NMT2: variants seen among roughly 807,000 people sequenced by gnomAD.
NMT2 encodes the protein glycylpeptide N-tetradecanoyltransferase 2.
NMT2 carries 35 observed loss-of-function variants against 65.4 expected under a neutral mutation model. The ratio of observed to expected loss-of-function variants is 0.54; its 90% confidence interval spans 0.41 to 0.71. The LOEUF (loss-of-function observed/expected upper bound fraction) is 0.71. Ranked by LOEUF, NMT2 falls within the 30% of genes least tolerant of loss-of-function variation. The pLI is 0.00. For missense variants in NMT2, 489 were observed against 611.3 expected, an observed-to-expected ratio of 0.80 and a Z score of 2.11; for synonymous variants, 226 against 231.8, an observed-to-expected ratio of 0.98 and a Z score of 0.23.
chr10:15,160,027 T>C (rs532859169), intron 1 of NMT2, among the ~76,000 whole-genome samples: 40 of 152,314 alleles, frequency 2.6e-4, no homozygotes, highest in African/African-American at 9.6e-4. Context: ...ACATTTGGGC[T>C]GACCTTGAAC....
At position 15,113,319 on chromosome 10, in the gene NMT2, A is replaced by C. The variant is rs544586920; in HGVS notation, c.1171-356T>G. ...CCCCATCTCTACTAAAGATATGAAA[A>C]CTTAGCCAGGTGTGGTGGCGCACAC... On this transcript the variant is annotated intron_variant, in intron 9 of 11. Transcript: ENST00000378165. 2.0e-5 allele frequency among the ~76,000 whole-genome samples: 3 copies of C among 151,712 alleles called. No individual in the cohort carries two copies. The East Asian group carries it at 5.8e-4, about 30-fold the overall frequency.
intron 10 of NMT2, among the ~76,000 whole-genome samples, chr10:15,112,251 T>A (rs1845585225): frequency 2.6e-5 from 2 of 77,678 alleles, no homozygotes; most frequent in African/African-American, 9.3e-5. Flanking sequence ...TTTTTTTTTT[T>A]GAGACAGTTT....
Position 15,151,059 on chromosome 10 carries a change from C to CTTTTTTTTTTTTTTTTTTTT in NMT2, c.111-9503_111-9502insAAAAAAAAAAAAAAAAAAAA, listed in dbSNP as rs200879621. The stretch of plus-strand genomic sequence containing the variant: ...TATATTCTATCTCATTAGCTTCCTC[C>CTTTTTTTTTTTTTTTTTTTT]TTTTTTTTTTTTTTTGGAGACGGAG... On this transcript the variant is annotated intron_variant, in intron 1 of 11. Coordinates refer to ENST00000378165, the MANE Select transcript of NMT2 (RefSeq NM_004808.3). Among the ~76,000 whole-genome samples the CTTTTTTTTTTTTTTTTTTTT allele has an allele frequency of 7.1e-4, 99 of 139,876 alleles. 2 individuals are homozygous for CTTTTTTTTTTTTTTTTTTTT. Among genetic ancestry groups the CTTTTTTTTTTTTTTTTTTTT allele is most frequent in the African/African-American group, 2.6e-3 (96 of 37,344 alleles). 91.8% of individuals were successfully genotyped at this position (139,876 alleles called of 152,430 possible). A position where few individuals can be genotyped will look rare whatever the true frequency, so the allele number is the denominator to read the frequency against.
In NMT2 at chr10:15,141,439, T is replaced by A; in HGVS notation, c.229A>T (p.Ile77Phe). The A allele has an allele frequency of 1.2e-6, 2 of 1,614,200 alleles. No homozygotes were observed. Among genetic ancestry groups the A allele is most frequent in the Non-Finnish European group, 1.7e-6 (2 of 1,180,036 alleles). Residue 77 changes from isoleucine (I) to phenylalanine (F), a missense_variant, in exon 2 of 12, where the codon ATT becomes TTT. Ile to Phe is a conservative substitution (Grantham distance 21). Transcript: ENST00000378165. ...GCTCTCACTTTCGAAGGCTGCTGAATTTTAATCTCCTGGGAATCAGATGCC... is the reference window on the plus strand; with the variant it reads ...GCTCTCACTTTCGAAGGCTGCTGAAATTTAATCTCCTGGGAATCAGATGCC... ...DSASDSQEIK[I>F]QQPSKNPSVP...
At chr10:15,137,959 T>C (rs1846576311) in intron 2 of NMT2, among the ~76,000 whole-genome samples, 1 of 152,018 alleles carries the variant, frequency 6.6e-6, no homozygotes, top group African/African-American at 2.4e-5. Flanking sequence ...GAAACATTGA[T>C]ATCCCAATGT....
intron 1 of NMT2, among the ~76,000 whole-genome samples, chr10:15,161,683 C>T (rs557632842): frequency 5.5e-4 from 84 of 151,984 alleles, no homozygotes; most frequent in African/African-American, 1.9e-3. Flanking sequence ...TTATAAAGAA[C>T]GATGGAAACC....
chr10:15,160,746 C>A (rs1833159980), intron 1 of NMT2, among the ~76,000 whole-genome samples: 2 of 151,878 alleles, frequency 1.3e-5, no homozygotes, highest in Non-Finnish European at 2.9e-5. Flanking sequence ...TGCACTCCAG[C>A]CTGGGCAACA....
chr10:15,128,783 T>A (rs1160160780), intron 7 of NMT2, among the ~76,000 whole-genome samples: 3 of 152,200 alleles, frequency 2.0e-5, no homozygotes, highest in Non-Finnish European at 4.4e-5. Context: ...GGTGGGCAGA[T>A]CACTTGAGGC....
chr10:15,108,986 A>C lies in NMT2; in HGVS notation c.*209T>G. Reference sequence around the variant, plus strand: ...TTTGTAGCCTTTCATCCCTCCCACAAATAGGTCAACAGTAAAAAAAGGATG... The same window carrying C: ...TTTGTAGCCTTTCATCCCTCCCACACATAGGTCAACAGTAAAAAAAGGATG... On this transcript the variant is annotated 3_prime_UTR_variant, in exon 12 of 12. Transcript: ENST00000378165. 1 of 1,334,258 alleles carries C rather than the reference A, an allele frequency of 7.5e-7. No individual in the cohort carries two copies. The highest frequency in any genetic ancestry group is 1.7e-5 in the South Asian group (1 of 57,486). 82.7% of individuals were successfully genotyped at this position (1,334,258 alleles called of 1,614,324 possible). A position where few individuals can be genotyped will look rare whatever the true frequency, so the allele number is the denominator to read the frequency against.
At chr10:15,115,510 G>T (rs1346270825) in intron 9 of NMT2, among the ~76,000 whole-genome samples, 1 of 152,042 alleles carries the variant, frequency 6.6e-6, no homozygotes, top group Non-Finnish European at 1.5e-5. Context: ...GTAATCCACA[G>T]CAAGGCAAGA....
intron 1 of NMT2, among the ~76,000 whole-genome samples, chr10:15,158,305 T>A (rs1319602950): frequency 2.0e-5 from 3 of 146,520 alleles, no homozygotes; most frequent in African/African-American, 7.7e-5. Context: ...AACAGAGAGA[T>A]ACTCTGTCTC....
chr10:15,119,066 C>G (rs929307454), intron 9 of NMT2, among the ~76,000 whole-genome samples: 2 of 152,186 alleles, frequency 1.3e-5, no homozygotes, highest in South Asian at 2.1e-4. Flanking sequence ...GCTGCTGGTG[C>G]CTTAGCACAA....
chr10:15,155,064 T>C, intron 1 of NMT2: 1 of 1,312,828 alleles, frequency 7.6e-7, no homozygotes. Context: ...CAGAATGAAG[T>C]TCTCATCATC....
At chr10:15,122,655 G>A (rs550617772) in intron 8 of NMT2, among the ~76,000 whole-genome samples, 1 of 152,290 alleles carries the variant, frequency 6.6e-6, no homozygotes, top group South Asian at 2.1e-4. Flanking sequence ...TCCTGACCTT[G>A]TGATCTGCCC....
Position 15,139,863 on chromosome 10 carries a change from C to CCA in NMT2, c.246+1558_246+1559insTG, listed in dbSNP as rs1434021981. 7.2e-4 allele frequency: 50 copies of CCA among 69,632 alleles called. 3 individuals are homozygous for CCA. Among genetic ancestry groups the CCA allele is most frequent in the African/African-American group, 1.6e-3 (49 of 29,860 alleles). 4.3% of individuals were successfully genotyped at this position (69,632 alleles called of 1,614,324 possible). A position where few individuals can be genotyped will look rare whatever the true frequency, so the allele number is the denominator to read the frequency against. On this transcript the variant is annotated intron_variant, in intron 2 of 11. Transcript: ENST00000378165. ...AAAGCTTGTAGAATGGTAACAACTA[C>CCA]TATATATATATATATATATATATAT...
chr10:15,160,197 C>T (rs1833140799), intron 1 of NMT2, among the ~76,000 whole-genome samples: 1 of 152,210 alleles, frequency 6.6e-6, no homozygotes, highest in Non-Finnish European at 1.5e-5. Flanking sequence ...TCAGACCTCC[C>T]TCCCTCCCCA....
At chr10:15,109,324 C>T (rs571877546) in intron 11 of NMT2, 109 bp from the exon 12 acceptor site, 248 of 1,382,486 alleles carry the variant, frequency 1.8e-4, no homozygotes, top group Admixed American at 2.5e-5. Context: ...CCTGTAATCC[C>T]GGCACTTTGG....
At position 15,168,631 on chromosome 10, in the gene NMT2, G is replaced by T. The variant is rs1169695929; in HGVS notation, c.-19C>A. 1 of 1,567,874 alleles carries T rather than the reference G, an allele frequency of 6.4e-7. No homozygotes were observed. Among genetic ancestry groups the T allele is most frequent in the South Asian group, 1.1e-5 (1 of 88,372 alleles). ...CCGCCATCGCGGCGGCGCTGGCTGG[G>T]GAGGCGGTGCTCGGGGCCGGGCCGG... On this transcript the variant is annotated 5_prime_UTR_variant, in exon 1 of 12. Coordinates refer to ENST00000378165, the MANE Select transcript of NMT2 (RefSeq NM_004808.3).
At chr10:15,161,061 C>A (rs192767050) in intron 1 of NMT2, among the ~76,000 whole-genome samples, 8 of 111,008 alleles carry the variant, frequency 7.2e-5, no homozygotes, top group African/African-American at 2.9e-4. Flanking sequence ...GGTGACAGAG[C>A]GAGACTCTGC....
Sources: allele counts gnomAD v4.1 joint callset (sites outside exome capture counted in the v4.1 genomes callset), GRCh38; gene constraint gnomAD v4.1.1; transcripts MANE v1.5; gene names NCBI Gene and HGNC (gene_info 2026-07-23, HGNC 2026-07-21).